The following SPTBN1 variants were observed in gnomAD, a reference collection of about 807,000 sequenced individuals.
SPTBN1 encodes spectrin beta chain, non-erythrocytic 1.
In SPTBN1, 32 loss-of-function variants were observed where a neutral mutation model predicts 266.4. The observed-to-expected ratio is 0.12, with a 90% CI of 0.09 to 0.16. SPTBN1 has a LOEUF of 0.16. Among genes scored for constraint, SPTBN1 ranks in the 10% least tolerant of loss-of-function variants. SPTBN1 has a pLI of 1.00. For missense variants in SPTBN1, 2,296 were observed against 3,067.1 expected (o/e 0.75, Z 5.94); for synonymous variants, 1,336 against 1,162.2 (o/e 1.15, Z -3.04).
chr2:54,631,643 G>C (rs371675253), intron 16 of SPTBN1, 32 bp downstream of exon 16: 11 of 1,586,988 alleles, frequency 6.9e-6, no homozygotes, highest in East Asian at 2.2e-5. Context: ...GCTTCCTTTC[G>C]GTGAAAGCAG....
At chr2:54,598,595 A>T (rs1002896754) in intron 2 of SPTBN1, among the ~76,000 whole-genome samples, 2 of 152,166 alleles carry the variant, frequency 1.3e-5, no homozygotes, top group Non-Finnish European at 2.9e-5. Flanking sequence ...CTGCTGTCTC[A>T]TGAGATTTCC....
intron 1 of SPTBN1, among the ~76,000 whole-genome samples, chr2:54,472,066 C>T (rs1485803259): frequency 2.6e-5 from 3 of 115,714 alleles, no homozygotes; most frequent in South Asian, 2.8e-4. Context: ...CTCGCTCTGT[C>T]GCCCAGGCCA....
In SPTBN1 at chr2:54,660,087, A is replaced by G. The variant is rs200975910; in HGVS notation, c.6420+88A>G. 4.3e-6 allele frequency: 7 copies of G among 1,612,554 alleles called. No homozygotes were observed. The East Asian group carries it at 1.3e-4, about 31-fold the overall frequency. On this transcript the variant is annotated intron_variant, in intron 32 of 35. Transcript: ENST00000356805. Reference sequence around the variant, plus strand: ...TGACCAGCCATGGTCTGGACTGTGAAGTTCACTACCATTTGTCAAGAATCA... The same window carrying G: ...TGACCAGCCATGGTCTGGACTGTGAGGTTCACTACCATTTGTCAAGAATCA...
At chr2:54,462,180 T>C (rs1693400880) in intron 1 of SPTBN1, among the ~76,000 whole-genome samples, 1 of 152,234 alleles carries the variant, frequency 6.6e-6, no homozygotes, top group Non-Finnish European at 1.5e-5. Flanking sequence ...TCCAGGCACA[T>C]AGTACGTATT....
chr2:54,591,632 C>T (rs954900618), intron 2 of SPTBN1, among the ~76,000 whole-genome samples: 10 of 152,002 alleles, frequency 6.6e-5, no homozygotes, highest in South Asian at 4.1e-4. Flanking sequence ...TTTTTCCATC[C>T]GGAGATGTTC....
At chr2:54,658,071 CTGTT>C in intron 30 of SPTBN1, 25 bp downstream of exon 30, 1 of 1,613,628 alleles carries the variant, frequency 6.2e-7, no homozygotes, top group Non-Finnish European at 8.5e-7. Flanking sequence ...GGCCCTTTGT[CTGTT>C]GGTGCCCTGG....
At chr2:54,597,684 A>G (rs558259515) in intron 2 of SPTBN1, among the ~76,000 whole-genome samples, 40 of 152,172 alleles carry the variant, frequency 2.6e-4, no homozygotes, top group Admixed American at 2.3e-3. Context: ...TGGTGGAGTG[A>G]GTTTAGCAAA....
Position 54,616,081 on chromosome 2 carries a change from T to C in SPTBN1, c.475-126T>C. ...CAGGAAGCAGTTTTCATTGACAGGG[T>C]AGATCGTCTGCAGGGCAAGGCTATG... On this transcript the variant is annotated intron_variant, in intron 4 of 35. Transcript: ENST00000356805. 4.4e-6 allele frequency: 3 copies of C among 680,132 alleles called. No homozygotes were observed. The South Asian group carries it at 7.7e-5, about 17-fold the overall frequency. 42.1% of individuals were successfully genotyped at this position (680,132 alleles called of 1,614,324 possible). A position where few individuals can be genotyped will look rare whatever the true frequency, so the allele number is the denominator to read the frequency against.
chr2:54,468,807 CCT>C (rs770928050), intron 1 of SPTBN1, among the ~76,000 whole-genome samples: 7 of 152,150 alleles, frequency 4.6e-5, no homozygotes, highest in Non-Finnish European at 1.0e-4. Context: ...CATTAATTCC[CCT>C]GAGAGACATC....
At chr2:54,542,426 A>G (rs1359910896) in intron 2 of SPTBN1, among the ~76,000 whole-genome samples, 1 of 152,260 alleles carries the variant, frequency 6.6e-6, no homozygotes, top group Non-Finnish European at 1.5e-5. Context: ...GGTTTCCAGA[A>G]TCTATCTCAG....
At position 54,668,442 on chromosome 2, in the gene SPTBN1, C is replaced by G. The variant is rs763701032; in HGVS notation, c.6968C>G (p.Ser2323Cys). The change falls in exon 36 of 36, where the codon TCC becomes TGC. Residue 2323 changes from serine to cysteine, a missense_variant. Coordinates refer to ENST00000356805, the MANE Select transcript of SPTBN1 (RefSeq NM_003128.3). ...GCCAGCACCCAGAGCACGCCAGCAT[C>G]CAGCCGCGCGCAGACCCTCCCCACC... Reference protein sequence around the residue: ...VSASTQSTPASSRAQTLPTSV... With the variant: ...VSASTQSTPACSRAQTLPTSV... 2 of 1,614,222 alleles carry G rather than the reference C, an allele frequency of 1.2e-6. No homozygotes were observed. Among genetic ancestry groups the G allele is most frequent in the Non-Finnish European group, 1.7e-6 (2 of 1,180,042 alleles).
At chr2:54,633,561 A>T (rs2103958614) in intron 17 of SPTBN1, among the ~76,000 whole-genome samples, 1 of 152,268 alleles carries the variant, frequency 6.6e-6, no homozygotes, top group East Asian at 1.9e-4. Flanking sequence ...GTTGGGGCAG[A>T]TCAGGGGTTG....
intron 1 of SPTBN1, chr2:54,520,329 CA>C (rs1670364696): frequency 6.6e-6 from 1 of 152,160 alleles, no homozygotes; most frequent in Non-Finnish European, 1.5e-5. Flanking sequence ...AGAATACTTA[CA>C]AAGCCTGGCA....
intron 1 of SPTBN1, among the ~76,000 whole-genome samples, chr2:54,495,094 C>T (rs146384975): frequency 2.8e-4 from 42 of 152,056 alleles, no homozygotes; most frequent in South Asian, 1.0e-3. Context: ...ACAATGAAGA[C>T]CCCCTGGAGG....
intron 2 of SPTBN1, among the ~76,000 whole-genome samples, chr2:54,552,735 G>A (rs1558831869): frequency 2.0e-5 from 3 of 151,954 alleles, no homozygotes; most frequent in South Asian, 2.1e-4. Context: ...GATTACAGGC[G>A]TGAGCCACCA....
chr2:54,580,242 C>G (rs1159607354), intron 2 of SPTBN1, among the ~76,000 whole-genome samples: 1 of 152,120 alleles, frequency 6.6e-6, no homozygotes, highest in East Asian at 1.9e-4. Flanking sequence ...GGTGACTTTA[C>G]TGTTACATAG....
intron 3 of SPTBN1, 126 bp from the exon 4 acceptor site, chr2:54,612,035 T>C: frequency 1.1e-6 from 1 of 948,384 alleles, no homozygotes; most frequent in Non-Finnish European, 1.6e-6. Context: ...AGTACATGTG[T>C]TTGTTAATGT....
chr2:54,472,192 T>C (rs1693964129), intron 1 of SPTBN1, among the ~76,000 whole-genome samples: 1 of 151,988 alleles, frequency 6.6e-6, no homozygotes, highest in South Asian at 2.1e-4. Context: ...CACGCCCAGC[T>C]AATTTTTTGT....
At chr2:54,461,457 C>G (rs925437456) in intron 1 of SPTBN1, among the ~76,000 whole-genome samples, 2 of 152,160 alleles carry the variant, frequency 1.3e-5, no homozygotes, top group Non-Finnish European at 2.9e-5. Context: ...CACCCATTTG[C>G]TGTCTCTAGG....
Sources: allele counts gnomAD v4.1 joint callset (sites outside exome capture counted in the v4.1 genomes callset), GRCh38; gene constraint gnomAD v4.1.1; transcripts MANE v1.5; gene names NCBI Gene and HGNC (gene_info 2026-07-23, HGNC 2026-07-21).